CALN1: variants seen among roughly 807,000 people sequenced by gnomAD.
CALN1 encodes the protein calcium-binding protein 8.
In CALN1, 17 loss-of-function variants were observed where a neutral mutation model predicts 30.6. The ratio of observed to expected loss-of-function variants is 0.56; its 90% CI spans 0.38 to 0.83. The LOEUF (loss-of-function observed/expected upper bound fraction) is 0.83. CALN1 is among the 40% of genes least tolerant of loss of function. The pLI is 0.00. For missense variants in CALN1, 291 were observed against 354.9 expected, an observed-to-expected ratio of 0.82 and a Z score of 1.45; for synonymous variants, 156 against 131.4, an observed-to-expected ratio of 1.19 and a Z score of -1.28.
chr7:72,111,402 C>G (rs1311271184), intron 3 of CALN1, among the ~76,000 whole-genome samples: 1 of 152,168 alleles, frequency 6.6e-6, no homozygotes, highest in Non-Finnish European at 1.5e-5. Context: ...CAAGCAAGGA[C>G]TTGGAAAGAA....
chr7:72,494,602 C>A, the CALN1 span, among the ~76,000 whole-genome samples: 1 of 152,094 alleles, frequency 6.6e-6, no homozygotes, highest in Non-Finnish European at 1.5e-5. Flanking sequence ...ACAGGCCGGG[C>A]GCGTTGGCCC....
At chr7:71,983,403 G>A (rs2129527323) in intron 5 of CALN1, among the ~76,000 whole-genome samples, 1 of 152,268 alleles carries the variant, frequency 6.6e-6, no homozygotes, top group South Asian at 2.1e-4. Context: ...ACAAAATAAG[G>A]ATAGTACAAA....
intron 2 of CALN1, among the ~76,000 whole-genome samples, chr7:72,309,116 A>G (rs1307540765): frequency 6.6e-6 from 1 of 152,206 alleles, no homozygotes; most frequent in Non-Finnish European, 1.5e-5. Context: ...CAGAGGCAAC[A>G]GCTTGCACAA....
At chr7:72,336,946 C>T in intron 2 of CALN1, 1 of 985,180 alleles carries the variant, frequency 1.0e-6, no homozygotes, top group South Asian at 4.7e-5. Flanking sequence ...TGCACGAGCC[C>T]CCTCGTCGAC....
intron 3 of CALN1, among the ~76,000 whole-genome samples, chr7:72,131,241 A>G (rs1809124725): frequency 6.6e-6 from 1 of 152,130 alleles, no homozygotes; most frequent in Admixed American, 6.5e-5. Context: ...TCATGGGAGG[A>G]AACTGATTTT....
intron 3 of CALN1, among the ~76,000 whole-genome samples, chr7:72,272,153 G>C (rs896145787): frequency 3.3e-5 from 5 of 151,884 alleles, no homozygotes; most frequent in Non-Finnish European, 4.4e-5. Context: ...AATAGTCAAA[G>C]TGACACTGGT....
intron 5 of CALN1, among the ~76,000 whole-genome samples, chr7:71,841,187 G>A (rs959480151): frequency 3.3e-5 from 5 of 152,174 alleles, no homozygotes; most frequent in African/African-American, 1.2e-4. Flanking sequence ...TGTAACAAGG[G>A]TAGCTGTGTT....
intron 2 of CALN1, among the ~76,000 whole-genome samples, chr7:72,345,833 G>A (rs1178418773): frequency 2.0e-5 from 3 of 152,112 alleles, no homozygotes; most frequent in Non-Finnish European, 4.4e-5. Flanking sequence ...AACGCCTGCC[G>A]CATGAAAAGT....
intron 4 of CALN1, among the ~76,000 whole-genome samples, chr7:72,051,191 A>C (rs1212337340): frequency 1.3e-5 from 2 of 151,936 alleles, no homozygotes; most frequent in Non-Finnish European, 2.9e-5. Context: ...CATTGTATCA[A>C]AAAGAGAGTT....
chr7:72,300,881 T>C (rs1799213554), intron 2 of CALN1, among the ~76,000 whole-genome samples: 1 of 152,106 alleles, frequency 6.6e-6, no homozygotes, highest in Non-Finnish European at 1.5e-5. Context: ...TAATCCCAGC[T>C]ACTCTGGAGG....
intron 3 of CALN1, among the ~76,000 whole-genome samples, chr7:72,223,588 C>T (rs1793459333): frequency 6.6e-6 from 1 of 152,084 alleles, no homozygotes; most frequent in Admixed American, 6.6e-5. Flanking sequence ...TGATGTGGTC[C>T]CTCACAGGCC....
chr7:72,315,986 A>C (rs1461773924), intron 2 of CALN1, among the ~76,000 whole-genome samples: 1 of 151,244 alleles, frequency 6.6e-6, no homozygotes, highest in Non-Finnish European at 1.5e-5. Context: ...GTCTCTACTA[A>C]AAAAAAATAC....
At chr7:72,314,301 A>C (rs1006133022) in intron 2 of CALN1, among the ~76,000 whole-genome samples, 3 of 151,972 alleles carry the variant, frequency 2.0e-5, no homozygotes, top group East Asian at 1.9e-4. Flanking sequence ...ATTTAATACT[A>C]TTTGATTTCT....
chr7:72,002,860 A>G (rs1799594546), intron 5 of CALN1, among the ~76,000 whole-genome samples: 1 of 152,200 alleles, frequency 6.6e-6, no homozygotes, highest in Non-Finnish European at 1.5e-5. Flanking sequence ...TGAAATCACA[A>G]AAACAGAGAA....
intron 3 of CALN1, among the ~76,000 whole-genome samples, chr7:72,140,781 A>G (rs1054833949): frequency 1.3e-5 from 2 of 152,204 alleles, no homozygotes; most frequent in African/African-American, 4.8e-5. Context: ...ATCGGAGCTC[A>G]TCAACTTCCA....
At chr7:71,863,983 T>G (rs1176940312) in intron 5 of CALN1, among the ~76,000 whole-genome samples, 3 of 152,206 alleles carry the variant, frequency 2.0e-5, no homozygotes, top group Non-Finnish European at 4.4e-5. Flanking sequence ...TTCTACTAAT[T>G]ACTAAAGTCA....
intron 3 of CALN1, among the ~76,000 whole-genome samples, chr7:72,231,198 A>G (rs1264644899): frequency 6.6e-6 from 1 of 152,106 alleles, no homozygotes; most frequent in Non-Finnish European, 1.5e-5. Flanking sequence ...AACATGCACC[A>G]TGGTGGTTTG....
intron 2 of CALN1, among the ~76,000 whole-genome samples, chr7:72,323,660 TCAA>T (rs1801056512): frequency 4.9e-5 from 5 of 102,204 alleles, no homozygotes; most frequent in Non-Finnish European, 7.2e-5. Context: ...AGACTCCATC[TCAA>T]AAAAAAAAAA....
At chr7:72,157,182 TTCAC>T (rs1273975236) in intron 3 of CALN1, among the ~76,000 whole-genome samples, 1 of 152,176 alleles carries the variant, frequency 6.6e-6, no homozygotes, top group African/African-American at 2.4e-5. Context: ...CATTCATTCA[TTCAC>T]TTACCCATTT....
Sources: allele counts gnomAD v4.1 joint callset (sites outside exome capture counted in the v4.1 genomes callset), GRCh38; gene constraint gnomAD v4.1.1; transcripts MANE v1.5; gene names NCBI Gene and HGNC (gene_info 2026-07-23, HGNC 2026-07-21).